Variants in CHIC2 observed in about 807,000 individuals in gnomAD.
The protein encoded by CHIC2 is cysteine rich hydrophobic domain 2.
Under a neutral mutation model 25.9 loss-of-function variants are expected in CHIC2, and 14 were observed. The observed-to-expected ratio is 0.54, with a 90% CI of 0.36 to 0.85. The LOEUF is 0.85. CHIC2 is among the 40% of genes least tolerant of loss of function. The probability of loss-of-function intolerance (pLI) is 0.01; values close to 1 mark genes in which losing one functional copy is unlikely to be tolerated. For missense variants in CHIC2, 146 were observed against 202.0 expected, an observed-to-expected ratio of 0.72 and a Z score of 1.68; for synonymous variants, 70 against 72.0, an observed-to-expected ratio of 0.97 and a Z score of 0.14.
the CHIC2 span, among the ~76,000 whole-genome samples, chr4:54,071,756 C>T: frequency 0.079 from 11,995 of 151,798 alleles, 599 homozygotes; most frequent in Non-Finnish European, 0.12. Flanking sequence ...AGGCAGATCA[C>T]GAGGTCAGGA....
At chr4:54,016,684 A>G (rs1715747251) in intron 3 of CHIC2, among the ~76,000 whole-genome samples, 1 of 152,074 alleles carries the variant, frequency 6.6e-6, no homozygotes, top group Non-Finnish European at 1.5e-5. Flanking sequence ...AAAAAAAAGC[A>G]CTTGCACGTG....
chr4:54,049,513 T>A (rs1019545463), intron 1 of CHIC2, among the ~76,000 whole-genome samples: 1 of 152,186 alleles, frequency 6.6e-6, no homozygotes, highest in Non-Finnish European at 1.5e-5. Context: ...AACTTTTGCA[T>A]AATGATAAGG....
intron 3 of CHIC2, among the ~76,000 whole-genome samples, chr4:54,046,195 G>A (rs904487950): frequency 2.0e-5 from 3 of 152,306 alleles, no homozygotes; most frequent in African/African-American, 7.2e-5. Flanking sequence ...TGGATAGCAA[G>A]AATCAATATT....
chr4:54,044,163 A>T (rs1560392565), intron 3 of CHIC2, among the ~76,000 whole-genome samples: 1 of 152,218 alleles, frequency 6.6e-6, no homozygotes, highest in African/African-American at 2.4e-5. Flanking sequence ...GCAAGTCCTT[A>T]GTGACCTACA....
chr4:54,050,847 T>C (rs924615805), intron 1 of CHIC2, among the ~76,000 whole-genome samples: 4 of 152,040 alleles, frequency 2.6e-5, no homozygotes, highest in African/African-American at 4.8e-5. Flanking sequence ...TTTATCAGAG[T>C]AGTCCCCATA....
the CHIC2 span, among the ~76,000 whole-genome samples, chr4:54,075,166 G>A: frequency 6.6e-6 from 1 of 152,130 alleles, no homozygotes; most frequent in Non-Finnish European, 1.5e-5. Flanking sequence ...ACTTTAAGGT[G>A]TCAATATCCA....
chr4:54,012,983 T>C (rs1441466957), intron 5 of CHIC2, among the ~76,000 whole-genome samples: 1 of 152,104 alleles, frequency 6.6e-6, no homozygotes, highest in South Asian at 2.1e-4. Flanking sequence ...ATGATGGCTA[T>C]ATTGTTTTAA....
rs74482283 is a variant in CHIC2 at position 54,017,234 on chromosome 4, G to A, written c.331-3115C>T. Among the ~76,000 whole-genome samples, 100 of 152,184 alleles carry A rather than the reference G, an allele frequency of 6.6e-4. 1 individual carries two copies. The East Asian group carries it at 0.018, about 28-fold the overall frequency. ...TCTAATCATATAACAACCTGTCCTT[G>A]GTTTTTAAATGTTTATTTCAACTCC... is the stretch of plus-strand genomic sequence containing the variant. On this transcript the variant is annotated intron_variant, in intron 3 of 5. Coordinates refer to ENST00000263921, the MANE Select transcript of CHIC2 (RefSeq NM_012110.4).
chr4:54,064,139 C>T lies in CHIC2; in HGVS notation c.119+43G>A. ...GGCTCCCGTGGAGTAACGGGGCCCA[C>T]CCCAGCCCGCACCTCCCGCCCTCGC... On this transcript the variant is annotated intron_variant, in intron 1 of 5. Coordinates refer to ENST00000263921, the MANE Select transcript of CHIC2 (RefSeq NM_012110.4). This position sits in a 1 kb window ranked among gnomAD's most constrained non-coding sequence, Gnocchi z 4.2. 6.5e-7 allele frequency: 1 copy of T among 1,549,844 alleles called. No homozygotes were observed. The highest frequency in any genetic ancestry group is 8.8e-7 in the Non-Finnish European group (1 of 1,137,822).
At chr4:54,073,928 G>A in the CHIC2 span, among the ~76,000 whole-genome samples, 1 of 152,098 alleles carries the variant, frequency 6.6e-6, no homozygotes, top group Admixed American at 6.5e-5. Context: ...AGGCTGAGAT[G>A]GGCAGATCAC....
At chr4:54,020,093 G>A (rs960076637) in intron 3 of CHIC2, among the ~76,000 whole-genome samples, 2 of 152,118 alleles carry the variant, frequency 1.3e-5, no homozygotes, top group African/African-American at 2.4e-5. Flanking sequence ...AGGCCTCTGA[G>A]CCCAAGCTAA....
chr4:54,064,124 G>C lies in CHIC2; in HGVS notation c.119+58C>G, dbSNP rs891949625. ...ACACAGGGGAAACGGGGCTCCCGTG[G>C]AGTAACGGGGCCCACCCCAGCCCGC... On this transcript the variant is annotated intron_variant, in intron 1 of 5. Transcript: ENST00000263921. The surrounding 1 kb of genome is among the most constrained non-coding windows in gnomAD (Gnocchi z 4.2). The C allele has an allele frequency of 1.7e-5, 25 of 1,457,374 alleles. No individual in the cohort carries two copies. In the Middle Eastern group the frequency reaches 8.8e-4, roughly 51 times the overall value. 90.3% of individuals were successfully genotyped at this position (1,457,374 alleles called of 1,614,324 possible).
the CHIC2 span, among the ~76,000 whole-genome samples, chr4:54,085,186 T>C: frequency 1.3e-5 from 2 of 152,174 alleles, no homozygotes; most frequent in African/African-American, 2.4e-5. Flanking sequence ...ACAAGTATTA[T>C]CTTTAAAAAC....
upstream of CHIC2, among the ~76,000 whole-genome samples, chr4:54,066,221 C>T (rs2110098898): frequency 6.6e-6 from 1 of 152,300 alleles, no homozygotes; most frequent in South Asian, 2.1e-4. Flanking sequence ...TGACCCTAGA[C>T]AAGCCACTTA....
the CHIC2 span, among the ~76,000 whole-genome samples, chr4:54,071,076 C>G: frequency 1.3e-5 from 2 of 152,210 alleles, no homozygotes; most frequent in African/African-American, 4.8e-5. Context: ...CAGAGATCCT[C>G]TTCGCCTTCC....
intron 1 of CHIC2, among the ~76,000 whole-genome samples, chr4:54,052,933 T>C (rs541534170): frequency 5.3e-5 from 8 of 152,196 alleles, no homozygotes; most frequent in Non-Finnish European, 1.2e-4. Flanking sequence ...TTCACAAATA[T>C]AAATATGTAT....
intron 3 of CHIC2, among the ~76,000 whole-genome samples, chr4:54,045,930 C>A (rs1489216003): frequency 1.3e-5 from 2 of 152,154 alleles, no homozygotes; most frequent in Admixed American, 6.5e-5. Flanking sequence ...TCTCCTTAAG[C>A]TGATAAGCAA....
At chr4:54,025,991 G>GGTCTGATCCCATGTTGT (rs1265283991) in intron 3 of CHIC2, among the ~76,000 whole-genome samples, 1 of 152,086 alleles carries the variant, frequency 6.6e-6, no homozygotes, top group African/African-American at 2.4e-5. Context: ...CCTCACTTTG[G>GGTCTGATCCCATGTTGT]GTCTGATCCC....
upstream of CHIC2, among the ~76,000 whole-genome samples, chr4:54,066,529 T>C (rs1174979281): frequency 6.6e-6 from 1 of 152,228 alleles, no homozygotes; most frequent in Non-Finnish European, 1.5e-5. Context: ...ATATGCTATA[T>C]TTCAGAGATG....
Sources: gnomAD v4.1 joint callset for allele counts (sites outside exome capture counted in the v4.1 genomes callset) on GRCh38, gnomAD v4.1.1 for gene constraint, Gnocchi (gnomAD v3.1) non-coding constraint, MANE v1.5 for transcripts, NCBI Gene and HGNC (gene_info 2026-07-23, HGNC 2026-07-21) for gene names.